The following PDE4D variants were observed in gnomAD, a reference collection of about 807,000 sequenced individuals.
The protein encoded by PDE4D is 3',5'-cyclic-AMP phosphodiesterase 4D.
A neutral mutation model predicts 87.4 loss-of-function variants in PDE4D; 24 were observed. The ratio of observed to expected loss-of-function variants is 0.27; its 90% CI spans 0.20 to 0.39. PDE4D has a LOEUF of 0.39. PDE4D is among the 10% of genes least tolerant of loss of function. The pLI is 1.00. For synonymous variants in PDE4D, 384 were observed against 383.2 expected, an observed-to-expected ratio of 1.00 and a Z score of -0.02; for missense variants, 714 against 1,041.0, an observed-to-expected ratio of 0.69 and a Z score of 4.32.
intron 1 of PDE4D, among the ~76,000 whole-genome samples, chr5:59,442,316 G>A (rs1176442609): frequency 1.3e-5 from 2 of 152,156 alleles, no homozygotes; most frequent in African/African-American, 4.8e-5. Flanking sequence ...AACACAGACT[G>A]GGGAATGAAA....
At chr5:60,203,952 T>C (rs977208381) in intron 1 of PDE4D, among the ~76,000 whole-genome samples, 1 of 152,228 alleles carries the variant, frequency 6.6e-6, no homozygotes, top group Non-Finnish European at 1.5e-5. Flanking sequence ...TTTATAAAAA[T>C]GAATAATTTT....
intron 2 of PDE4D, among the ~76,000 whole-genome samples, chr5:60,027,605 T>A (rs758824976): frequency 1.3e-5 from 2 of 152,200 alleles, no homozygotes; most frequent in Non-Finnish European, 2.9e-5. Context: ...CTCTTGTCTG[T>A]CTCCCTCTCA....
intron 1 of PDE4D, among the ~76,000 whole-genome samples, chr5:59,845,361 C>T (rs11951422): frequency 0.22 from 34,076 of 152,018 alleles, 4,863 homozygotes; most frequent in Admixed American, 0.34. Context: ...CCATCCCTGG[C>T]GCCACCTATA....
At chr5:59,309,246 C>G (rs953685528) in intron 1 of PDE4D, among the ~76,000 whole-genome samples, 2 of 152,106 alleles carry the variant, frequency 1.3e-5, no homozygotes, top group African/African-American at 2.4e-5. Flanking sequence ...CAGATGTGTG[C>G]CCTCCCCTGA....
intron 1 of PDE4D, among the ~76,000 whole-genome samples, chr5:59,690,734 T>A (rs1166349059): frequency 6.6e-6 from 1 of 152,062 alleles, no homozygotes; most frequent in East Asian, 1.9e-4. Context: ...CTAATTAAAC[T>A]AAAGAGCTTC....
chr5:58,999,129 A>T (rs577318041), intron 6 of PDE4D, among the ~76,000 whole-genome samples: 56 of 152,322 alleles, frequency 3.7e-4, no homozygotes, highest in African/African-American at 1.3e-3. Flanking sequence ...TTAATTTTAT[A>T]AACTTTATGT....
intron 1 of PDE4D, among the ~76,000 whole-genome samples, chr5:60,257,452 A>G (rs1749211534): frequency 6.6e-6 from 1 of 151,998 alleles, no homozygotes; most frequent in African/African-American, 2.4e-5. Context: ...AAGACAAAAA[A>G]AGTATTAAAA....
At chr5:59,379,415 AT>A (rs1423563441) in intron 1 of PDE4D, among the ~76,000 whole-genome samples, 1 of 152,128 alleles carries the variant, frequency 6.6e-6, no homozygotes, top group Non-Finnish European at 1.5e-5. Context: ...AGAAAATTAA[AT>A]TTTTTTAAAA....
chr5:59,267,448 G>A (rs577037926), intron 1 of PDE4D, among the ~76,000 whole-genome samples: 29 of 151,998 alleles, frequency 1.9e-4, no homozygotes, highest in Admixed American at 6.6e-5. Context: ...TACAACGGGA[G>A]CACTTTTCTC....
intron 1 of PDE4D, among the ~76,000 whole-genome samples, chr5:60,316,003 G>A (rs1755545517): frequency 6.6e-6 from 1 of 152,156 alleles, no homozygotes; most frequent in African/African-American, 2.4e-5. Context: ...CTTTAAAGTA[G>A]TTTTTTCCAA....
intron 1 of PDE4D, among the ~76,000 whole-genome samples, chr5:59,527,248 A>T (rs1813327121): frequency 6.6e-6 from 1 of 152,220 alleles, no homozygotes; most frequent in Non-Finnish European, 1.5e-5. Flanking sequence ...TACATATATG[A>T]ATAAGCAAAT....
intron 2 of PDE4D, chr5:60,127,532 C>A: frequency 2.3e-6 from 1 of 442,200 alleles, no homozygotes. Flanking sequence ...GGGATAGATG[C>A]AGCGCATAAC....
chr5:59,583,164 A>C (rs773946312), intron 1 of PDE4D, among the ~76,000 whole-genome samples: 2 of 152,262 alleles, frequency 1.3e-5, no homozygotes, highest in African/African-American at 4.8e-5. Context: ...GTATTTTTAC[A>C]AATAAGATTA....
intron 1 of PDE4D, among the ~76,000 whole-genome samples, chr5:59,571,570 T>C (rs1007918574): frequency 1.3e-5 from 2 of 152,184 alleles, no homozygotes; most frequent in Non-Finnish European, 2.9e-5. Context: ...GTAAAGCTGT[T>C]TGACACAGAT....
chr5:59,511,424 A>C (rs1309284511), intron 1 of PDE4D, among the ~76,000 whole-genome samples: 2 of 151,986 alleles, frequency 1.3e-5, no homozygotes, highest in East Asian at 3.9e-4. Context: ...GAAGGAAAAA[A>C]GAAAATAAAA....
At chr5:59,073,509 G>GC in intron 5 of PDE4D, among the ~76,000 whole-genome samples, 1 of 134,626 alleles carries the variant, frequency 7.4e-6, no homozygotes, top group African/African-American at 3.1e-5. Context: ...GTGGGGGGCG[G>GC]GGGGGGCGGG....
intron 1 of PDE4D, among the ~76,000 whole-genome samples, chr5:59,774,670 C>A (rs762299102): frequency 5.8e-4 from 87 of 150,032 alleles, no homozygotes; most frequent in South Asian, 1.3e-3. Context: ...CTTACAATGG[C>A]ATTTTTTTTT....
chr5:60,200,231 A>T (rs942989929), intron 1 of PDE4D, among the ~76,000 whole-genome samples: 33 of 151,742 alleles, frequency 2.2e-4, no homozygotes, highest in African/African-American at 8.0e-4. Context: ...CAATTTGCAG[A>T]TGAAGAAATC....
chr5:60,031,098 T>C (rs1341074874), intron 2 of PDE4D: 2 of 152,304 alleles, frequency 1.3e-5, no homozygotes, highest in Non-Finnish European at 2.9e-5. Context: ...CACTTCACAT[T>C]TTATTTGTGA....
Sources: gnomAD v4.1 joint callset for allele counts (sites outside exome capture counted in the v4.1 genomes callset) on GRCh38, gnomAD v4.1.1 for gene constraint, MANE v1.5 for transcripts, NCBI Gene and HGNC (gene_info 2026-07-23, HGNC 2026-07-21) for gene names.